Variants in CHUK observed in about 807,000 individuals in gnomAD.
CHUK encodes component of inhibitor of nuclear factor kappa B kinase complex.
A neutral mutation model predicts 104.8 loss-of-function variants in CHUK; 35 were observed. That is an observed-to-expected ratio of 0.33 (90% confidence interval 0.26 to 0.44). The LOEUF (loss-of-function observed/expected upper bound fraction) is 0.44, where lower values mean the gene tolerates loss of function less well. CHUK is among the 20% of genes least tolerant of loss of function. The probability of loss-of-function intolerance (pLI) is 1.00; values close to 1 mark genes in which losing one functional copy is unlikely to be tolerated. For missense variants in CHUK, 663 were observed against 902.7 expected (o/e 0.73, Z 3.40); for synonymous variants, 276 against 291.9 (o/e 0.95, Z 0.56).
rs757757880 is a variant in CHUK at position 100,229,550 on chromosome 10, G to A, written c.-18C>T. The A allele has an allele frequency of 1.2e-5, 18 of 1,493,682 alleles. No homozygotes were observed. In the South Asian group the frequency reaches 1.6e-4, roughly 13 times the overall value. The allele number at this position is 1,493,682 out of a possible 1,614,324, so 92.5% of individuals were successfully genotyped here. ...CGCTCCATGGGGCGGGAGGGCAAGC[G>A]GCCTCAGGTTCCACAGTTGTTCCAA... On this transcript the variant is annotated 5_prime_UTR_variant, in exon 1 of 21. Coordinates refer to ENST00000370397, the MANE Select transcript of CHUK (RefSeq NM_001278.5).
At chr10:100,212,963 G>T (rs1168856830) in intron 9 of CHUK, among the ~76,000 whole-genome samples, 7 of 142,314 alleles carry the variant, frequency 4.9e-5, no homozygotes, top group African/African-American at 1.9e-4. Context: ...CCAAGATCGC[G>T]CCACTGCACT....
At chr10:100,215,624 T>G (rs1180491221) in intron 9 of CHUK, among the ~76,000 whole-genome samples, 2 of 152,246 alleles carry the variant, frequency 1.3e-5, no homozygotes, top group Non-Finnish European at 2.9e-5. Context: ...AAGATGTTCA[T>G]AATAAACAGT....
intron 11 of CHUK, among the ~76,000 whole-genome samples, chr10:100,206,525 G>A (rs553094523): frequency 6.6e-6 from 1 of 152,124 alleles, no homozygotes; most frequent in Admixed American, 6.5e-5. Flanking sequence ...GGGGCAAGGG[G>A]AGTTGACTGA....
chr10:100,221,207 C>T (rs975707791), intron 4 of CHUK, among the ~76,000 whole-genome samples: 10 of 152,030 alleles, frequency 6.6e-5, no homozygotes, highest in African/African-American at 9.7e-5. Context: ...GAGGCCGAGG[C>T]GGGCAGATCA....
chr10:100,201,621 G>A (rs1845463942), intron 14 of CHUK, among the ~76,000 whole-genome samples: 1 of 152,168 alleles, frequency 6.6e-6, no homozygotes, highest in Non-Finnish European at 1.5e-5. Flanking sequence ...ATGGGAGGCT[G>A]AGGTGGGAGG....
At chr10:100,214,011 A>G (rs1845796250) in intron 9 of CHUK, among the ~76,000 whole-genome samples, 1 of 152,158 alleles carries the variant, frequency 6.6e-6, no homozygotes, top group African/African-American at 2.4e-5. Flanking sequence ...TTGCAATACA[A>G]TTATACTACC....
rs1393155359 is a variant in CHUK, at chr10:100,220,552, C to G, written c.474+36G>C. 3.7e-6 allele frequency: 5 copies of G among 1,345,558 alleles called. No homozygotes were observed. The South Asian group carries it at 5.8e-5, about 16-fold the overall frequency. 83.4% of individuals were successfully genotyped at this position (1,345,558 alleles called of 1,614,324 possible). On this transcript the variant is annotated intron_variant, in intron 5 of 20. Coordinates refer to ENST00000370397, the MANE Select transcript of CHUK (RefSeq NM_001278.5). ...CTAACTATATCAGAGAGACTATATT[C>G]AATAGGCATGAAACATTACTTCAGG...
chr10:100,210,873 A>C (rs747531178), intron 9 of CHUK, among the ~76,000 whole-genome samples: 1 of 152,100 alleles, frequency 6.6e-6, no homozygotes, highest in Non-Finnish European at 1.5e-5. Flanking sequence ...CTCTGTCCCC[A>C]CCTGTCAGCG....
intron 16 of CHUK, among the ~76,000 whole-genome samples, chr10:100,198,337 A>G (rs1260564178): frequency 1.3e-5 from 2 of 152,368 alleles, no homozygotes; most frequent in South Asian, 2.1e-4. Flanking sequence ...CACACAAAAT[A>G]TTAAAAACCC....
At chr10:100,208,161 A>G (rs1033042125) in intron 10 of CHUK, among the ~76,000 whole-genome samples, 1 of 152,050 alleles carries the variant, frequency 6.6e-6, no homozygotes. Context: ...GCTGGAGTGC[A>G]GCGGCGTGAT....
intron 5 of CHUK, 88 bp from the exon 6 acceptor site, chr10:100,219,447 G>T: frequency 2.5e-6 from 2 of 807,900 alleles, no homozygotes. Flanking sequence ...CTGTAGACAG[G>T]GTAGTGGTGA....
intron 9 of CHUK, among the ~76,000 whole-genome samples, chr10:100,212,006 C>T (rs1365239065): frequency 3.3e-5 from 5 of 152,098 alleles, no homozygotes; most frequent in Admixed American, 1.3e-4. Flanking sequence ...CCTCAGCCTA[C>T]GGAGTAGCTG....
chr10:100,190,471 T>C, intron 20 of CHUK: 1 of 228,648 alleles, frequency 4.4e-6, no homozygotes, highest in South Asian at 5.9e-5. Context: ...CACACACTTA[T>C]TATTACAACT....
chr10:100,228,300 A>C (rs1435560866), intron 1 of CHUK, among the ~76,000 whole-genome samples: 2 of 152,192 alleles, frequency 1.3e-5, no homozygotes, highest in African/African-American at 4.8e-5. Flanking sequence ...GGTTGTGTGA[A>C]TGTGCATCTG....
chr10:100,203,966 T>A (rs1276035437), intron 13 of CHUK, among the ~76,000 whole-genome samples: 1 of 152,206 alleles, frequency 6.6e-6, no homozygotes, highest in Non-Finnish European at 1.5e-5. Flanking sequence ...CAAGGCAGAT[T>A]TGAGGGCCTG....
chr10:100,210,899 T>C (rs969189260), intron 9 of CHUK, among the ~76,000 whole-genome samples: 8 of 152,116 alleles, frequency 5.3e-5, no homozygotes, highest in East Asian at 3.9e-4. Context: ...AGCCACAGAG[T>C]TGGACTTCAG....
chr10:100,202,093 C>T lies in CHUK; in HGVS notation c.1564G>A (p.Ala522Thr). The part of the protein sequence containing the change: ...KEMEEKAIHY[A>T]EVGVIGYLED... ...AATGACGTCAATGATTTTACCTCAG[C>T]ATAGTGGATGGCCTTTTCTTCCATT... The change falls in exon 14 of 21, where the codon GCT (alanine) becomes ACT (threonine). Residue 522 changes from alanine (A) to threonine (T), a missense_variant. By Grantham distance (58) the Ala-to-Thr change is moderately conservative (BLOSUM62 0). This residue lies in a region of CHUK where 311 missense variants were observed against 393.4 expected (regional missense o/e 0.79). Transcript: ENST00000370397. 2 of 1,609,162 alleles carry T rather than the reference C, an allele frequency of 1.2e-6. No homozygotes were observed. The highest frequency in any genetic ancestry group is 1.7e-6 in the Non-Finnish European group (2 of 1,175,826).
chr10:100,222,793 T>C, intron 3 of CHUK, 73 bp downstream of exon 3: 2 of 803,994 alleles, frequency 2.5e-6, no homozygotes, highest in Non-Finnish European at 4.4e-6. Flanking sequence ...TTCTAGTTTA[T>C]TATATTTAAC....
chr10:100,198,938 G>C (rs1170205950), intron 16 of CHUK, among the ~76,000 whole-genome samples: 1 of 152,074 alleles, frequency 6.6e-6, no homozygotes, highest in Non-Finnish European at 1.5e-5. Flanking sequence ...GTACATAATA[G>C]TTTATAGTTT....
Sources: gnomAD v4.1 joint callset for allele counts (sites outside exome capture counted in the v4.1 genomes callset) on GRCh38, gnomAD v4.1.1 for gene constraint, gnomAD v4.1.1 regional missense constraint, MANE v1.5 for transcripts, NCBI Gene and HGNC (gene_info 2026-07-23, HGNC 2026-07-21) for gene names.